PPP1CB: variants seen among roughly 807,000 people sequenced by gnomAD.
The protein encoded by PPP1CB is protein phosphatase 1 catalytic subunit beta, also known as serine/threonine-protein phosphatase PP1-beta catalytic subunit.
Under a neutral mutation model 43.7 loss-of-function variants are expected in PPP1CB, and 2 were observed. The ratio of observed to expected loss-of-function variants is 0.05; its 90% confidence interval spans 0.02 to 0.14. PPP1CB has a LOEUF of 0.14. Ranked by LOEUF, PPP1CB falls within the 10% of genes least tolerant of loss-of-function variation. PPP1CB has a pLI of 1.00. For missense variants in PPP1CB, 84 were observed against 398.0 expected, an observed-to-expected ratio of 0.21 and a Z score of 6.71; for synonymous variants, 136 against 135.6, an observed-to-expected ratio of 1.00 and a Z score of -0.02.
chr2:28,798,422 C>CG (rs1667540147), intron 7 of PPP1CB, among the ~76,000 whole-genome samples: 1 of 151,936 alleles, frequency 6.6e-6, no homozygotes, highest in Non-Finnish European at 1.5e-5. Context: ...TCCTTATAGC[C>CG]GAAAAAGTCA....
At chr2:28,774,271 A>G (rs1666981464) in intron 1 of PPP1CB, among the ~76,000 whole-genome samples, 1 of 152,170 alleles carries the variant, frequency 6.6e-6, no homozygotes, top group Admixed American at 6.5e-5. Flanking sequence ...AAGTTTTGAT[A>G]ATGTACTGTT....
intron 1 of PPP1CB, among the ~76,000 whole-genome samples, chr2:28,764,993 T>C (rs891440592): frequency 6.6e-6 from 1 of 152,158 alleles, no homozygotes; most frequent in Non-Finnish European, 1.5e-5. Context: ...TTTTCTGTTT[T>C]AGAGAGGTAA....
At position 28,752,117 on chromosome 2, in the gene PPP1CB, CCGA is replaced by C; in HGVS notation, c.-6_-4del. The C allele has an allele frequency of 6.5e-7, 1 of 1,549,846 alleles. No homozygotes were observed. Among genetic ancestry groups the C allele is most frequent in the South Asian group, 1.2e-5 (1 of 84,050 alleles). On this transcript the variant is annotated 5_prime_UTR_variant, in exon 1 of 8. Transcript: ENST00000395366. ...CCGCTGCTGGGAAGGAGAGTCTGTG[CCGA>C]CAAGATGGCGGACGGGGAGCTGAAC...
At position 28,793,225 on chromosome 2, in the gene PPP1CB, TA is replaced by T. The variant is rs1323772727; in HGVS notation, c.745-633del. On this transcript the variant is annotated intron_variant, in intron 6 of 7. Transcript: ENST00000395366. ...CATCTCAAAAAATAAAAAATAAAAA[TA>T]AAAATACAGTCTGTTGGCAGTTAAT... Among the ~76,000 whole-genome samples, 3 of 152,108 alleles carry T rather than the reference TA, an allele frequency of 2.0e-5. No homozygotes were observed. In the East Asian group the frequency reaches 5.8e-4, roughly 29 times the overall value.
intron 1 of PPP1CB, among the ~76,000 whole-genome samples, chr2:28,768,722 T>C (rs183872148): frequency 8.4e-4 from 128 of 152,302 alleles, no homozygotes; most frequent in Non-Finnish European, 1.6e-3. Flanking sequence ...ACTTCTACAA[T>C]TTTGTATCCA....
At chr2:28,785,691 C>T (rs113865869) in intron 5 of PPP1CB, among the ~76,000 whole-genome samples, 73 of 152,054 alleles carry the variant, frequency 4.8e-4, no homozygotes, top group African/African-American at 1.5e-3. Flanking sequence ...GTCGCAGCAC[C>T]GCGGCTACTC....
intron 1 of PPP1CB, among the ~76,000 whole-genome samples, chr2:28,753,858 T>C (rs563083982): frequency 4.1e-4 from 62 of 152,164 alleles, no homozygotes; most frequent in Middle Eastern, 3.4e-3. Flanking sequence ...CTCAGCCTCC[T>C]GAGTAGCTGG....
chr2:28,753,088 G>A (rs1370383107), intron 1 of PPP1CB, among the ~76,000 whole-genome samples: 1 of 152,180 alleles, frequency 6.6e-6, no homozygotes, highest in Non-Finnish European at 1.5e-5. Context: ...ATTCATTGCA[G>A]GATATTATTC....
chr2:28,786,640 C>T (rs1229718178), intron 5 of PPP1CB, among the ~76,000 whole-genome samples: 8 of 151,572 alleles, frequency 5.3e-5, no homozygotes, highest in Admixed American at 1.3e-4. Flanking sequence ...CTGGGTGTGG[C>T]AGTGGGCGCC....
intron 7 of PPP1CB, among the ~76,000 whole-genome samples, chr2:28,795,916 T>C (rs945446773): frequency 4.6e-5 from 7 of 152,218 alleles, no homozygotes; most frequent in African/African-American, 7.2e-5. Context: ...CTAGGGTTTT[T>C]ATAGTGTGAG....
chr2:28,763,880 A>G (rs916864336), intron 1 of PPP1CB, among the ~76,000 whole-genome samples: 4 of 151,424 alleles, frequency 2.6e-5, no homozygotes, highest in Admixed American at 2.6e-4. Flanking sequence ...TTATTTTCGT[A>G]TTTTTAGTAG....
chr2:28,758,183 C>A (rs986568229), intron 1 of PPP1CB, among the ~76,000 whole-genome samples: 3 of 151,282 alleles, frequency 2.0e-5, no homozygotes, highest in Non-Finnish European at 4.4e-5. Flanking sequence ...GTAGCTGGGA[C>A]CACAGGCATG....
At chr2:28,788,422 G>A (rs2148056666) in intron 5 of PPP1CB, among the ~76,000 whole-genome samples, 1 of 152,322 alleles carries the variant, frequency 6.6e-6, no homozygotes, top group Middle Eastern at 3.4e-3. Flanking sequence ...TTTCCTATAT[G>A]TGGAAAGGGT....
intron 1 of PPP1CB, among the ~76,000 whole-genome samples, chr2:28,760,065 T>C (rs573311842): frequency 1.3e-5 from 2 of 152,338 alleles, no homozygotes; most frequent in African/African-American, 4.8e-5. Flanking sequence ...AGTGAAGATG[T>C]GGAGGCGGAA....
At chr2:28,759,240 G>A (rs145893369) in intron 1 of PPP1CB, among the ~76,000 whole-genome samples, 3 of 152,292 alleles carry the variant, frequency 2.0e-5, no homozygotes, top group African/African-American at 7.2e-5. Context: ...AACAGGCCAC[G>A]CGTGGTGGCT....
chr2:28,753,377 A>G (rs1229923225), intron 1 of PPP1CB, among the ~76,000 whole-genome samples: 3 of 152,236 alleles, frequency 2.0e-5, no homozygotes, highest in African/African-American at 7.2e-5. Flanking sequence ...ATGTGTCGGT[A>G]TCTCAAACCC....
At chr2:28,782,398 C>T (rs1439166532) in intron 4 of PPP1CB, 2 of 154,376 alleles carry the variant, frequency 1.3e-5, no homozygotes, top group African/African-American at 2.4e-5. Flanking sequence ...AGTGTATGAT[C>T]TGACCATCTT....
chr2:28,779,133 C>A, intron 3 of PPP1CB, 94 bp downstream of exon 3: 1 of 942,936 alleles, frequency 1.1e-6, no homozygotes, highest in Non-Finnish European at 1.6e-6. Flanking sequence ...AGAGTTTTTT[C>A]AAAATAAGAT....
intron 7 of PPP1CB, 132 bp downstream of exon 7, chr2:28,794,129 A>G: frequency 1.5e-6 from 1 of 684,750 alleles, no homozygotes; most frequent in Non-Finnish European, 2.4e-6. Context: ...TTACCACTCA[A>G]ACTCATTAGA....
Sources: allele counts gnomAD v4.1 joint callset (sites outside exome capture counted in the v4.1 genomes callset), GRCh38; gene constraint gnomAD v4.1.1; transcripts MANE v1.5; gene names NCBI Gene and HGNC (gene_info 2026-07-23, HGNC 2026-07-21).